Variants in BCL7A observed in about 807,000 individuals in gnomAD.
BCL7A encodes the protein BAF chromatin remodeling complex subunit BCL7A.
In BCL7A, 11 loss-of-function variants were observed where a neutral mutation model predicts 28.4. The observed-to-expected ratio is 0.39, with a 90% CI of 0.24 to 0.64. The LOEUF (loss-of-function observed/expected upper bound fraction) is 0.64, where lower values mean the gene tolerates loss of function less well. Among genes scored for constraint, BCL7A ranks in the 30% least tolerant of loss-of-function variants. The probability of loss-of-function intolerance (pLI) is 0.50; values close to 1 mark genes in which losing one functional copy is unlikely to be tolerated. For synonymous variants in BCL7A, 123 were observed against 103.3 expected (o/e 1.19, Z -1.15); for missense variants, 222 against 274.8 (o/e 0.81, Z 1.36).
At chr12:122,038,476 T>C (rs539839677) in intron 3 of BCL7A, among the ~76,000 whole-genome samples, 131 of 148,276 alleles carry the variant, frequency 8.8e-4, no homozygotes, top group African/African-American at 3.1e-3. Context: ...TGGGGCTTTG[T>C]TGCTGGTTAA....
Position 122,022,091 on chromosome 12 carries a change from C to T in BCL7A, c.-1C>T. 4.5e-6 allele frequency: 7 copies of T among 1,566,224 alleles called. No homozygotes were observed. Among genetic ancestry groups the T allele is most frequent in the Non-Finnish European group, 6.1e-6 (7 of 1,154,818 alleles). ...CCAGCCTCCGTCTCCCCGCCGGAACCATGTCGGGCAGGTCGGTTCGAGCCG... is the reference window on the plus strand; with the variant it reads ...CCAGCCTCCGTCTCCCCGCCGGAACTATGTCGGGCAGGTCGGTTCGAGCCG... On this transcript the variant is annotated 5_prime_UTR_variant, in exon 1 of 6. Coordinates refer to ENST00000261822, the MANE Select transcript of BCL7A (RefSeq NM_001024808.3).
In BCL7A at chr12:122,029,034, A is replaced by T. The variant is rs1883686695; in HGVS notation, c.93-1666A>T. On this transcript the variant is annotated intron_variant, in intron 1 of 5. Coordinates refer to ENST00000261822, the MANE Select transcript of BCL7A (RefSeq NM_001024808.3). This position sits in a 1 kb window ranked among gnomAD's most constrained non-coding sequence, Gnocchi z 4.3. ...GCATCGTTTCTGGGTGAAAAGGTGC[A>T]AGGAGGAGGGAGCAGAGAGGCTGGT... is the stretch of plus-strand genomic sequence containing the variant. Among the ~76,000 whole-genome samples, 1 of 152,118 alleles carries T rather than the reference A, an allele frequency of 6.6e-6. No homozygotes were observed. Among genetic ancestry groups the T allele is most frequent in the African/African-American group, 2.4e-5 (1 of 41,412 alleles).
intron 5 of BCL7A, among the ~76,000 whole-genome samples, chr12:122,057,654 A>G (rs1350989636): frequency 6.6e-6 from 1 of 152,132 alleles, no homozygotes; most frequent in African/African-American, 2.4e-5. Context: ...GTGACAGGTT[A>G]GGTTTGAGAG....
intron 2 of BCL7A, 75 bp downstream of exon 2, chr12:122,030,856 C>A: frequency 2.1e-6 from 3 of 1,421,520 alleles, no homozygotes; most frequent in Non-Finnish European, 3.0e-6. Context: ...GGAGATTGTC[C>A]ACTGCTACCC....
intron 2 of BCL7A, among the ~76,000 whole-genome samples, chr12:122,032,026 A>G (rs1470725234): frequency 2.6e-5 from 4 of 152,062 alleles, no homozygotes; most frequent in East Asian, 1.9e-4. Context: ...ACTAACCCAC[A>G]TGGCTGCGGC....
At position 122,052,353 on chromosome 12, in the gene BCL7A, A is replaced by G. The variant is rs899944135; in HGVS notation, c.440-2452A>G. 2.0e-4 allele frequency among the ~76,000 whole-genome samples: 31 copies of G among 152,118 alleles called. 1 individual carries two copies. The highest frequency in any genetic ancestry group is 7.5e-4 in the African/African-American group (31 of 41,414). ...CTGGGTGATTTTTCTTTTTATTGAG[A>G]TGAAATTCACATAAAATTAACCAGG... On this transcript the variant is annotated intron_variant, in intron 4 of 5. Coordinates refer to ENST00000261822, the MANE Select transcript of BCL7A (RefSeq NM_001024808.3).
intron 1 of BCL7A, 134 bp downstream of exon 1, chr12:122,022,317 AGGGCGGGCGGAC>A (rs1042675756): frequency 7.0e-5 from 26 of 368,836 alleles, no homozygotes; most frequent in African/African-American, 5.9e-4. Flanking sequence ...GGACTTGGCG[AGGGCGGGCGGAC>A]GGGCGGGCGG....
At chr12:122,049,448 G>A (rs1467913420) in intron 4 of BCL7A, among the ~76,000 whole-genome samples, 4 of 151,898 alleles carry the variant, frequency 2.6e-5, no homozygotes, top group Non-Finnish European at 5.9e-5. Flanking sequence ...TTGGGAGGCC[G>A]AGGCAGGTGG....
intron 1 of BCL7A, among the ~76,000 whole-genome samples, chr12:122,025,173 C>T (rs539488102): frequency 1.1e-4 from 16 of 152,148 alleles, no homozygotes; most frequent in African/African-American, 3.9e-4. Context: ...GACCCCAGGG[C>T]GATGGTAGGA....
intron 3 of BCL7A, among the ~76,000 whole-genome samples, chr12:122,037,155 G>A (rs777863877): frequency 2.0e-5 from 3 of 152,226 alleles, no homozygotes; most frequent in East Asian, 1.9e-4. Flanking sequence ...AGCCAGAGCC[G>A]CCTTCCCTTA....
At chr12:122,056,185 C>A (rs1224094486) in intron 5 of BCL7A, among the ~76,000 whole-genome samples, 1 of 152,198 alleles carries the variant, frequency 6.6e-6, no homozygotes, top group African/African-American at 2.4e-5. Flanking sequence ...AAACCAAAGC[C>A]TGGTGATTTA....
At chr12:122,023,006 C>T (rs531029608) in intron 1 of BCL7A, among the ~76,000 whole-genome samples, 7 of 152,246 alleles carry the variant, frequency 4.6e-5, no homozygotes, top group East Asian at 1.9e-4. Flanking sequence ...GCGGAGGGAG[C>T]TGTTGTTTTT....
At chr12:122,045,742 T>C (rs1323875771) in intron 4 of BCL7A, among the ~76,000 whole-genome samples, 2 of 152,056 alleles carry the variant, frequency 1.3e-5, no homozygotes, top group African/African-American at 2.4e-5. Context: ...AAGTAAGTTA[T>C]AGATCTCAGG....
At position 122,059,681 on chromosome 12, in the gene BCL7A, A is replaced by G; in HGVS notation, c.*518A>G. The G allele has an allele frequency of 4.3e-6, 1 of 232,752 alleles. No individual in the cohort carries two copies. The highest frequency in any genetic ancestry group is 8.5e-6 in the Non-Finnish European group (1 of 117,978). 14.4% of individuals were successfully genotyped at this position (232,752 alleles called of 1,614,324 possible). ...TGGTTTGGTTCGGGCGGCGGCTGCC[A>G]CCCTACTCACCGCTCTCCTCCCTGC... On this transcript the variant is annotated 3_prime_UTR_variant, in exon 6 of 6. Transcript: ENST00000261822. The surrounding 1 kb of genome is among the most constrained non-coding windows in gnomAD (Gnocchi z 4.0).
At chr12:122,022,901 C>G (rs920525103) in intron 1 of BCL7A, among the ~76,000 whole-genome samples, 1 of 151,996 alleles carries the variant, frequency 6.6e-6, no homozygotes, top group African/African-American at 2.4e-5. Flanking sequence ...CGCGGCGCCC[C>G]GGGCGGGGGG....
At chr12:122,053,885 AC>A (rs1884250949) in intron 4 of BCL7A, among the ~76,000 whole-genome samples, 1 of 152,188 alleles carries the variant, frequency 6.6e-6, no homozygotes, top group Admixed American at 6.5e-5. Context: ...CCTCCGAAAT[AC>A]CACATGACCC....
intron 3 of BCL7A, among the ~76,000 whole-genome samples, chr12:122,038,465 G>T: frequency 8.8e-6 from 1 of 113,906 alleles, no homozygotes; most frequent in East Asian, 3.9e-4. Flanking sequence ...AAAAAGAGCA[G>T]TGGGGCTTTG....
rs544887700 is a variant in BCL7A at position 122,054,685 on chromosome 12, A to G, written c.440-120A>G. On this transcript the variant is annotated intron_variant, in intron 4 of 5. Transcript: ENST00000261822. ...GCCCTCCAGCCCCCCAGCTCATTGT[A>G]GCCTTCAAAGACCACTGGCCCCAAA... The G allele has an allele frequency of 1.9e-5, 18 of 959,134 alleles. No individual in the cohort carries two copies. The East Asian group carries it at 4.3e-4, about 23-fold the overall frequency. The allele number at this position is 959,134 out of a possible 1,614,324, so 59.4% of individuals were successfully genotyped here. A position where few individuals can be genotyped will look rare whatever the true frequency, so the allele number is the denominator to read the frequency against.
intron 2 of BCL7A, among the ~76,000 whole-genome samples, chr12:122,034,805 G>T (rs909811487): frequency 1.3e-5 from 2 of 151,660 alleles, no homozygotes; most frequent in Non-Finnish European, 2.9e-5. Flanking sequence ...CCTTTCTCCC[G>T]GGGTCCTCCC....
Sources: allele counts gnomAD v4.1 joint callset (sites outside exome capture counted in the v4.1 genomes callset), GRCh38; gene constraint gnomAD v4.1.1; non-coding constraint Gnocchi (gnomAD v3.1); transcripts MANE v1.5; gene names NCBI Gene and HGNC (gene_info 2026-07-23, HGNC 2026-07-21).